The following PITPNC1 variants were observed in gnomAD, a reference collection of about 807,000 sequenced individuals.
PITPNC1 encodes phosphatidylinositol transfer protein cytoplasmic 1.
In PITPNC1, 18 loss-of-function variants were observed where a neutral mutation model predicts 44.7. That is an observed-to-expected ratio of 0.40 (90% CI 0.28 to 0.60). The LOEUF is 0.60. Among genes scored for constraint, PITPNC1 ranks in the 20% least tolerant of loss-of-function variants. PITPNC1 has a pLI of 0.39. For missense variants in PITPNC1, 290 were observed against 418.4 expected (o/e 0.69, Z 2.68); for synonymous variants, 141 against 149.6 (o/e 0.94, Z 0.42).
chr17:67,666,780 T>C (rs2042429141), intron 6 of PITPNC1, among the ~76,000 whole-genome samples: 1 of 152,066 alleles, frequency 6.6e-6, no homozygotes. Flanking sequence ...GTGGAAGTGG[T>C]CACCATAGCA....
chr17:67,575,536 A>G (rs1435390716), intron 4 of PITPNC1, among the ~76,000 whole-genome samples: 1 of 152,152 alleles, frequency 6.6e-6, no homozygotes, highest in Non-Finnish European at 1.5e-5. Flanking sequence ...TGTCAGGAGA[A>G]TTATCGATGG....
chr17:67,523,657 C>T (rs1203474822), intron 1 of PITPNC1, among the ~76,000 whole-genome samples: 2 of 151,910 alleles, frequency 1.3e-5, no homozygotes, highest in East Asian at 1.9e-4. Context: ...ATTTTTAAAA[C>T]CCCAGTGCTT....
intron 8 of PITPNC1, among the ~76,000 whole-genome samples, chr17:67,691,434 T>C (rs2042925375): frequency 6.6e-6 from 1 of 152,226 alleles, no homozygotes; most frequent in Admixed American, 6.5e-5. Flanking sequence ...GAATTCCAAG[T>C]CATGCTTTTT....
intron 5 of PITPNC1, among the ~76,000 whole-genome samples, chr17:67,626,715 C>A (rs761448612): frequency 6.6e-6 from 1 of 151,918 alleles, no homozygotes; most frequent in Non-Finnish European, 1.5e-5. Context: ...AATGTAGGAC[C>A]CATCAGCCCA....
At chr17:67,485,116 TG>T (rs1360067610) in intron 1 of PITPNC1, among the ~76,000 whole-genome samples, 1 of 152,108 alleles carries the variant, frequency 6.6e-6, no homozygotes, top group Non-Finnish European at 1.5e-5. Context: ...GATTTGAACC[TG>T]GGCAGTGTAG....
intron 1 of PITPNC1, among the ~76,000 whole-genome samples, chr17:67,470,018 G>T (rs938496591): frequency 9.9e-5 from 15 of 152,032 alleles, no homozygotes; most frequent in Admixed American, 3.3e-4. Context: ...CGCCTCCTGG[G>T]TTCAAGCGAT....
At position 67,418,965 on chromosome 17, in the gene PITPNC1, A is replaced by G. The variant is rs556989533; in HGVS notation, c.48+40763A>G. 2.0e-5 allele frequency among the ~76,000 whole-genome samples: 3 copies of G among 152,334 alleles called. No individual in the cohort carries two copies. In the East Asian group the frequency reaches 5.8e-4, roughly 29 times the overall value. ...ACTTGTGATGACTTGGGTAGTGTTCAGAAATCACTCAGCCTGTGAGAACTT... is the reference window on the plus strand; with the variant it reads ...ACTTGTGATGACTTGGGTAGTGTTCGGAAATCACTCAGCCTGTGAGAACTT... On this transcript the variant is annotated intron_variant, in intron 1 of 8. Transcript: ENST00000581322.
chr17:67,410,586 A>G (rs2038480655), intron 1 of PITPNC1, among the ~76,000 whole-genome samples: 1 of 151,764 alleles, frequency 6.6e-6, no homozygotes, highest in African/African-American at 2.4e-5. Context: ...AAGTCTCGCT[A>G]TGTTGCCCAG....
intron 1 of PITPNC1, among the ~76,000 whole-genome samples, chr17:67,519,486 A>AT (rs1268183199): frequency 3.3e-5 from 5 of 152,102 alleles, no homozygotes; most frequent in East Asian, 1.9e-4. Flanking sequence ...CAGAAGATAG[A>AT]TTTTTTTTAA....
intron 6 of PITPNC1, among the ~76,000 whole-genome samples, chr17:67,639,194 C>G (rs1489840669): frequency 6.6e-6 from 1 of 152,072 alleles, no homozygotes; most frequent in African/African-American, 2.4e-5. Flanking sequence ...GTCAAGTATG[C>G]CAAGATCAAT....
chr17:67,593,029 C>A (rs1366793740), intron 5 of PITPNC1, among the ~76,000 whole-genome samples: 1 of 152,114 alleles, frequency 6.6e-6, no homozygotes, highest in Admixed American at 6.6e-5. Context: ...CAGAGAAAGA[C>A]CCTGTCTCAA....
chr17:67,578,318 C>T lies in PITPNC1; in HGVS notation c.366+61C>T, dbSNP rs1242953262. On this transcript the variant is annotated intron_variant, in intron 5 of 8. Transcript: ENST00000581322. Reference sequence around the variant, plus strand: ...GTGGGCTCTGAATATCACAGCACTTCTCACAGCCCCTCTGTGACCAGGGCC... The same window carrying T: ...GTGGGCTCTGAATATCACAGCACTTTTCACAGCCCCTCTGTGACCAGGGCC... 4.4e-6 allele frequency: 5 copies of T among 1,148,106 alleles called. No individual in the cohort carries two copies. In the South Asian group the frequency reaches 4.9e-5, roughly 11 times the overall value. The allele number at this position is 1,148,106 out of a possible 1,614,324, so 71.1% of individuals were successfully genotyped here.
chr17:67,538,932 A>T (rs188388868), intron 2 of PITPNC1, among the ~76,000 whole-genome samples: 23 of 148,034 alleles, frequency 1.6e-4, no homozygotes, highest in South Asian at 4.2e-4. Flanking sequence ...TATTTAATTT[A>T]AAAAAAAAAG....
chr17:67,425,186 T>TGCACGCGCGC (rs1555649706), intron 1 of PITPNC1, among the ~76,000 whole-genome samples: 1 of 55,724 alleles, frequency 1.8e-5, no homozygotes, highest in African/African-American at 7.6e-5. Flanking sequence ...AGCCATGTTG[T>TGCACGCGCGC]GCGCGCGCAC....
At chr17:67,654,181 A>G (rs2042238967) in intron 6 of PITPNC1, among the ~76,000 whole-genome samples, 1 of 152,190 alleles carries the variant, frequency 6.6e-6, no homozygotes, top group African/African-American at 2.4e-5. Context: ...CTGTCGGTTC[A>G]CCTGGACCCA....
chr17:67,627,930 G>GT (rs113761965), intron 5 of PITPNC1, among the ~76,000 whole-genome samples: 4,988 of 137,500 alleles, frequency 0.036, 178 homozygotes, highest in East Asian at 0.07. Context: ...CTTCTTTTTT[G>GT]TTTTTTTTTT....
At chr17:67,378,938 G>T in intron 1 of PITPNC1, 1 of 982,048 alleles carries the variant, frequency 1.0e-6, no homozygotes, top group South Asian at 4.7e-5. Context: ...GCTGCCGGCT[G>T]GGGGCGCCGG....
At chr17:67,528,518 C>G (rs927794524) in intron 1 of PITPNC1, among the ~76,000 whole-genome samples, 3 of 152,136 alleles carry the variant, frequency 2.0e-5, no homozygotes, top group Admixed American at 6.5e-5. Context: ...GGCCTTTATT[C>G]AACATACAAG....
At chr17:67,563,584 G>A (rs1055069698) in intron 4 of PITPNC1, among the ~76,000 whole-genome samples, 11 of 152,016 alleles carry the variant, frequency 7.2e-5, no homozygotes, top group Admixed American at 3.9e-4. Flanking sequence ...CCTCCTTTAG[G>A]TCCAGGAGAT....
Sources: gnomAD v4.1 joint callset for allele counts (sites outside exome capture counted in the v4.1 genomes callset) on GRCh38, gnomAD v4.1.1 for gene constraint, MANE v1.5 for transcripts, NCBI Gene and HGNC (gene_info 2026-07-23, HGNC 2026-07-21) for gene names.